The following ALDH3A1 variants were observed in gnomAD, a reference collection of about 807,000 sequenced individuals.
The protein encoded by ALDH3A1 is aldehyde dehydrogenase 3 family member A1, also known as aldehyde dehydrogenase, dimeric NADP-preferring.
A neutral mutation model predicts 49.9 loss-of-function variants in ALDH3A1; 46 were observed. The observed-to-expected ratio is 0.92, with a 90% confidence interval of 0.73 to 1.18. The LOEUF (loss-of-function observed/expected upper bound fraction) is 1.18. Among genes scored for constraint, ALDH3A1 ranks in the 50% most tolerant of loss-of-function variants. The probability of loss-of-function intolerance (pLI) is 0.00; values close to 1 mark genes in which losing one functional copy is unlikely to be tolerated. For missense variants in ALDH3A1, 592 were observed against 611.8 expected, an observed-to-expected ratio of 0.97 and a Z score of 0.34; for synonymous variants, 269 against 253.3, an observed-to-expected ratio of 1.06 and a Z score of -0.59.
chr17:19,742,144 A>G lies in ALDH3A1; in HGVS notation c.549T>C (p.His183=), dbSNP rs199667643. 8.9e-5 allele frequency: 143 copies of G among 1,613,914 alleles called. No individual in the cohort carries two copies. Among genetic ancestry groups the G allele is most frequent in the Non-Finnish European group, 1.1e-4 (125 of 1,180,016 alleles). Residue 183 remains histidine, a synonymous_variant, in exon 5 of 11, where the codon CAT becomes CAC. Coordinates refer to ENST00000225740, the MANE Select transcript of ALDH3A1 (RefSeq NM_000691.5). The part of the protein sequence containing the change: ...TTELLKERFD[H]ILYTGSTGVG... ...CCCCCGTGCTGCCCGTGTACAGGAT[A>G]TGGTCGAACCTCTCCTTGAGCAGCT...
intron 1 of ALDH3A1, among the ~76,000 whole-genome samples, chr17:19,747,443 C>A (rs183547957): frequency 6.6e-6 from 1 of 152,212 alleles, no homozygotes; most frequent in African/African-American, 2.4e-5. Flanking sequence ...CTCTCCCGAG[C>A]CTTGTACGGT....
At chr17:19,742,905 C>A in intron 3 of ALDH3A1, 1 of 1,527,634 alleles carries the variant, frequency 6.5e-7, no homozygotes, top group African/African-American at 1.4e-5. Context: ...GGGAGAGAGG[C>A]TCTGGGGGCC....
At chr17:19,739,385 A>G in intron 8 of ALDH3A1, 123 bp downstream of exon 8, 1 of 1,179,714 alleles carries the variant, frequency 8.5e-7, no homozygotes, top group Non-Finnish European at 1.2e-6. Flanking sequence ...AGGTGAAAGG[A>G]GCTCAGAAAG....
chr17:19,742,731 C>G, intron 3 of ALDH3A1, 101 bp from the exon 4 acceptor site: 1 of 1,587,022 alleles, frequency 6.3e-7, no homozygotes, highest in Non-Finnish European at 8.6e-7. Flanking sequence ...TGTGTGTCCT[C>G]GGGACAGTGG....
At chr17:19,746,460 A>G (rs1297975020) in intron 1 of ALDH3A1, among the ~76,000 whole-genome samples, 2 of 152,256 alleles carry the variant, frequency 1.3e-5, no homozygotes, top group East Asian at 3.9e-4. Flanking sequence ...GCTAGAAGTC[A>G]AGAGGCTGTC....
intron 2 of ALDH3A1, chr17:19,744,504 G>A (rs1236139085): frequency 1.0e-6 from 1 of 985,350 alleles, no homozygotes; most frequent in African/African-American, 1.7e-5. Flanking sequence ...CAGCATGTGG[G>A]GACAGCAGGG....
chr17:19,744,760 G>A (rs1416408285), intron 2 of ALDH3A1: 2 of 1,368,008 alleles, frequency 1.5e-6, no homozygotes, highest in East Asian at 3.1e-5. Flanking sequence ...GCCGGGCCAG[G>A]AGGAAAAGGC....
rs757352910 is a variant in ALDH3A1, at chr17:19,743,179, T to C, written c.394+53A>G. Reference sequence around the variant, plus strand: ...AGGCCTGAGCCCATCCTGGCTTGGCTCCACGCTGGGGGACGGTGCTCCCCC... The same window carrying C: ...AGGCCTGAGCCCATCCTGGCTTGGCCCCACGCTGGGGGACGGTGCTCCCCC... On this transcript the variant is annotated intron_variant, in intron 3 of 10. Transcript: ENST00000225740. This position sits in a 1 kb window ranked among gnomAD's most constrained non-coding sequence, Gnocchi z 4.4. 8 of 1,604,902 alleles carry C rather than the reference T, an allele frequency of 5.0e-6. No homozygotes were observed. The highest frequency in any genetic ancestry group is 1.7e-4 in the Middle Eastern group (1 of 6,050).
chr17:19,746,638 CGTGTGCGTGTGTGTGCAT>C (rs1567657194), intron 1 of ALDH3A1, among the ~76,000 whole-genome samples: 23 of 132,574 alleles, frequency 1.7e-4, no homozygotes, highest in African/African-American at 7.4e-4. Context: ...TGTGTGTGTG[CGTGTGCGTGTGTGTGCAT>C]GTGTGTGTGT....
At chr17:19,740,616 A>G (rs2086475041) in intron 6 of ALDH3A1, 139 bp from the exon 7 acceptor site, 1 of 981,056 alleles carries the variant, frequency 1.0e-6, no homozygotes, top group African/African-American at 1.6e-5. Flanking sequence ...ATGCTTTTTA[A>G]TCTTTTCTAA....
At chr17:19,739,233 C>T (rs535528669) in intron 8 of ALDH3A1, 138 bp from the exon 9 acceptor site, 3 of 844,784 alleles carry the variant, frequency 3.6e-6, no homozygotes, top group Middle Eastern at 2.4e-4. Flanking sequence ...CCATCTCCTG[C>T]TCTTCCTGCA....
At chr17:19,746,736 C>T (rs1197163888) in intron 1 of ALDH3A1, among the ~76,000 whole-genome samples, 1 of 150,478 alleles carries the variant, frequency 6.6e-6, no homozygotes, top group African/African-American at 2.4e-5. Context: ...CGCGCGTGTG[C>T]GTGTGTGTGT....
chr17:19,744,932 C>CCA, intron 2 of ALDH3A1, 36 bp downstream of exon 2: 1 of 1,449,094 alleles, frequency 6.9e-7, no homozygotes, highest in Non-Finnish European at 9.1e-7. Context: ...CGCATGGCCC[C>CCA]GACACTGGCA....
At chr17:19,739,207 G>C in intron 8 of ALDH3A1, 112 bp from the exon 9 acceptor site, 1 of 1,005,404 alleles carries the variant, frequency 9.9e-7, no homozygotes, top group Non-Finnish European at 1.5e-6. Flanking sequence ...AGCAGGTGGA[G>C]GCAGAGCCTT....
chr17:19,743,221 G>T lies in ALDH3A1; in HGVS notation c.394+11C>A. 6.2e-7 allele frequency: 1 copy of T among 1,613,322 alleles called. No homozygotes were observed. The highest frequency in any genetic ancestry group is 1.7e-4 in the Middle Eastern group (1 of 6,060). On this transcript the variant is annotated intron_variant, in intron 3 of 10. Transcript: ENST00000225740. The surrounding 1 kb of genome is among the most constrained non-coding windows in gnomAD (Gnocchi z 4.4). The stretch of plus-strand genomic sequence containing the variant: ...TGCTCCCCCAGCTTCCCTTCCCACA[G>T]GGCCATGCACCTGCAGCGATGGCGC...
At chr17:19,746,684 CGT>C (rs61194657) in intron 1 of ALDH3A1, among the ~76,000 whole-genome samples, 2,224 of 137,358 alleles carry the variant, frequency 0.016, 48 homozygotes, top group African/African-American at 0.051. Context: ...TGTGCATGTG[CGT>C]GTGTGTGTGC....
At chr17:19,738,844 A>G in intron 9 of ALDH3A1, 152 bp downstream of exon 9, 1 of 672,796 alleles carries the variant, frequency 1.5e-6, no homozygotes, top group Non-Finnish European at 2.5e-6. Flanking sequence ...AGTGTGTCTG[A>G]TGGATGGCAC....
Position 19,738,181 on chromosome 17 carries a change from T to C in ALDH3A1, c.*40A>G, listed in dbSNP as rs776289387. 3 of 1,613,550 alleles carry C rather than the reference T, an allele frequency of 1.9e-6. No individual in the cohort carries two copies. Among genetic ancestry groups the C allele is most frequent in the Non-Finnish European group, 2.5e-6 (3 of 1,179,970 alleles). On this transcript the variant is annotated 3_prime_UTR_variant, in exon 11 of 11. Transcript: ENST00000225740. ...CCAGTGAGGGTGGTCCGCACTCCGATGGGACACAGTATGGCCAGGCCAGGC... is the reference window on the plus strand; with the variant it reads ...CCAGTGAGGGTGGTCCGCACTCCGACGGGACACAGTATGGCCAGGCCAGGC...
chr17:19,742,644 C>T lies in ALDH3A1; in HGVS notation c.395-14G>A, dbSNP rs748220822. On this transcript the variant is annotated splice_polypyrimidine_tract_variant and intron_variant, in intron 3 of 10. Coordinates refer to ENST00000225740, the MANE Select transcript of ALDH3A1 (RefSeq NM_000691.5). ...CCACTGAGTTCCCTGCAGAGCACAC[C>T]GAGCCAGGCCTATGCCCAGGGTACT... 8.1e-6 allele frequency: 13 copies of T among 1,613,686 alleles called. No homozygotes were observed. In the Admixed American group the frequency reaches 1.0e-4, roughly 12 times the overall value.
Sources: gnomAD v4.1 joint callset for allele counts (sites outside exome capture counted in the v4.1 genomes callset) on GRCh38, gnomAD v4.1.1 for gene constraint, Gnocchi (gnomAD v3.1) non-coding constraint, MANE v1.5 for transcripts, NCBI Gene and HGNC (gene_info 2026-07-23, HGNC 2026-07-21) for gene names.